TRPV1: variants seen among roughly 807,000 people sequenced by gnomAD.
TRPV1 encodes transient receptor potential cation channel subfamily V member 1.
Under a neutral mutation model 82.3 loss-of-function variants are expected in TRPV1, and 82 were observed. That is an observed-to-expected ratio of 1.00 (90% CI 0.83 to 1.20). The LOEUF is 1.20. TRPV1 is among the 50% of genes most tolerant of loss of function. The pLI is 0.00. For missense variants in TRPV1, 1,067 were observed against 1,096.8 expected (o/e 0.97, Z 0.38); for synonymous variants, 515 against 467.7 (o/e 1.10, Z -1.30).
intron 2 of TRPV1, among the ~76,000 whole-genome samples, chr17:3,606,985 CTT>C (rs1567678604): frequency 6.6e-6 from 1 of 152,206 alleles, no homozygotes; most frequent in African/African-American, 2.4e-5. Flanking sequence ...TCAGCCTACT[CTT>C]CTCTCTCATG....
rs774540148 is a variant in TRPV1 at position 3,588,352 on chromosome 17, G to GA, written c.1059dup (p.Leu354SerfsTer56). 20 of 1,559,134 alleles carry GA rather than the reference G, an allele frequency of 1.3e-5. No homozygotes were observed. The highest frequency in any genetic ancestry group is 1.7e-5 in the Non-Finnish European group (20 of 1,151,656). ...TCGGGCTCCTGGATCTCCCGCTGGA[G>GA]AATATAGGCCAAGACCTGCCCCCGG... On this transcript the variant is annotated frameshift_variant, in exon 8 of 17. Transcript: ENST00000572705. LOFTEE classifies it high-confidence loss of function.
At chr17:3,597,674 T>TA (rs1211029737) in intron 2 of TRPV1, among the ~76,000 whole-genome samples, 2 of 102,418 alleles carry the variant, frequency 2.0e-5, no homozygotes, top group Admixed American at 1.8e-4. Flanking sequence ...GTCATTTCCT[T>TA]TTTTTTTTTT....
rs1379027555 is a variant in TRPV1, at chr17:3,591,078, G to A, written c.490C>T (p.Leu164Phe). 1 of 1,613,196 alleles carries A rather than the reference G, an allele frequency of 6.2e-7. No homozygotes were observed. Among genetic ancestry groups the A allele is most frequent in the Admixed American group, 1.7e-5 (1 of 59,832 alleles). ...GTGTTCTGTCCGTCGTGCAGGTTGA[G>A]CATGGCTTTCAGCAGACAGGTCTTC... The part of the protein sequence containing the change: ...TGKTCLLKAM[L>F]NLHDGQNTTI... The change falls in exon 5 of 17, where the codon CTC becomes TTC. Residue 164 changes from leucine (L) to phenylalanine (F), a missense_variant. Leu to Phe is a conservative substitution (Grantham distance 22). Coordinates refer to ENST00000572705, the MANE Select transcript of TRPV1 (RefSeq NM_080704.4).
chr17:3,575,770 A>G (rs1166851864), intron 13 of TRPV1, among the ~76,000 whole-genome samples: 2 of 152,184 alleles, frequency 1.3e-5, no homozygotes, highest in Non-Finnish European at 1.5e-5. Flanking sequence ...GAAGACACAC[A>G]TGGCTTCTTG....
At chr17:3,592,961 G>C (rs2075179356) in intron 2 of TRPV1, 1 of 152,866 alleles carries the variant, frequency 6.5e-6, no homozygotes, top group Non-Finnish European at 1.5e-5. Context: ...TGCCCGGCCT[G>C]CCTTTGCTCT....
chr17:3,590,524 C>A (rs1375783887), intron 5 of TRPV1, 132 bp from the exon 6 acceptor site: 3 of 1,381,100 alleles, frequency 2.2e-6, no homozygotes, highest in Non-Finnish European at 2.9e-6. Flanking sequence ...TGGAGGACCC[C>A]CCCACTGCAG....
intron 2 of TRPV1, chr17:3,592,609 C>T: frequency 1.9e-6 from 1 of 534,408 alleles, no homozygotes; most frequent in South Asian, 2.4e-5. Flanking sequence ...CCTGCGGCCA[C>T]TGACGTCGGC....
At chr17:3,594,639 G>A (rs989451338) in intron 2 of TRPV1, among the ~76,000 whole-genome samples, 14 of 152,336 alleles carry the variant, frequency 9.2e-5, no homozygotes, top group East Asian at 3.9e-4. Context: ...CCTGCAGCAG[G>A]AGTGTTCCCG....
intron 2 of TRPV1, among the ~76,000 whole-genome samples, chr17:3,602,926 A>C (rs1308580455): frequency 6.6e-6 from 1 of 152,176 alleles, no homozygotes; most frequent in Non-Finnish European, 1.5e-5. Flanking sequence ...GTTCGAGACC[A>C]GCCTGGCCAA....
chr17:3,576,668 A>AAAAAAAAAAAAAAAATATATATAT, intron 13 of TRPV1, among the ~76,000 whole-genome samples: 6 of 38,390 alleles, frequency 1.6e-4, no homozygotes, highest in Non-Finnish European at 3.2e-4. Flanking sequence ...AAAAAAAAAA[A>AAAAAAAAAAAAAAAATATATATAT]ATATATATAT....
rs1354705701 is a variant in TRPV1 at position 3,592,133 on chromosome 17, C to G, written c.218G>C (p.Cys73Ser). ...CPHEEGELDS[C>S]PTITVSPVIT... ...AACAGGGCTGACTGTGATGGTCGGG[C>G]AGGAGTCCAGCTCACCTTCCTCGTG... Residue 73 changes from cysteine (C) to serine (S), a missense_variant, in exon 3 of 17, where the codon TGC becomes TCC. Transcript: ENST00000572705. 1 of 1,613,884 alleles carries G rather than the reference C, an allele frequency of 6.2e-7. No individual in the cohort carries two copies. The highest frequency in any genetic ancestry group is 1.7e-5 in the Admixed American group (1 of 60,004).
At chr17:3,584,583 G>A (rs1405911056) in intron 9 of TRPV1, among the ~76,000 whole-genome samples, 4 of 151,960 alleles carry the variant, frequency 2.6e-5, no homozygotes, top group Non-Finnish European at 5.9e-5. Context: ...ATCACTTGAG[G>A]TCAGGAGTTC....
At chr17:3,579,308 C>A (rs1443664474) in intron 11 of TRPV1, among the ~76,000 whole-genome samples, 1 of 152,052 alleles carries the variant, frequency 6.6e-6, no homozygotes, top group South Asian at 2.1e-4. Flanking sequence ...AAGCTAGCTG[C>A]AAGAGGATTT....
intron 12 of TRPV1, 29 bp downstream of exon 12, chr17:3,577,569 G>A (rs201032577): frequency 6.4e-7 from 1 of 1,560,324 alleles, no homozygotes; most frequent in Non-Finnish European, 8.7e-7. Context: ...CGGGCTCTGA[G>A]GAGACCCACT....
chr17:3,580,088 G>T (rs2074987020), intron 11 of TRPV1, among the ~76,000 whole-genome samples: 1 of 144,758 alleles, frequency 6.9e-6, no homozygotes, highest in Non-Finnish European at 1.5e-5. Context: ...TATCAACAGT[G>T]CCAAGGTCGC....
intron 3 of TRPV1, among the ~76,000 whole-genome samples, 165 bp downstream of exon 3, chr17:3,591,902 C>A (rs1470992530): frequency 6.6e-6 from 1 of 152,216 alleles, no homozygotes; most frequent in African/African-American, 2.4e-5. Context: ...CCCGTGACTG[C>A]ACATCCCACG....
chr17:3,566,668 A>G lies in TRPV1; in HGVS notation c.*147T>C. On this transcript the variant is annotated 3_prime_UTR_variant, in exon 17 of 17. Transcript: ENST00000572705. ...CCATGCTTCCAAGAACGCTTCCCAC[A>G]GCTTGTCCAGCACAGATTTGGGAAC... is the stretch of plus-strand genomic sequence containing the variant. The G allele has an allele frequency of 1.0e-6, 1 of 981,176 alleles. No individual in the cohort carries two copies. The highest frequency in any genetic ancestry group is 1.5e-6 in the Non-Finnish European group (1 of 685,944). 60.8% of individuals were successfully genotyped at this position (981,176 alleles called of 1,614,324 possible).
In TRPV1 at chr17:3,585,752, G is replaced by A. The variant is rs201834198; in HGVS notation, c.1383+16C>T. ...ACCCACACCCTCGCCCACGAGGCCT[G>A]AGCCTCTGGCCGCACCAAGCCATCC... On this transcript the variant is annotated intron_variant, in intron 9 of 16. Coordinates refer to ENST00000572705, the MANE Select transcript of TRPV1 (RefSeq NM_080704.4). 3 of 1,610,322 alleles carry A rather than the reference G, an allele frequency of 1.9e-6. No homozygotes were observed. Among genetic ancestry groups the A allele is most frequent in the Non-Finnish European group, 2.5e-6 (3 of 1,178,022 alleles).
At position 3,595,154 on chromosome 17, in the gene TRPV1, G is replaced by A. The variant is rs138789653; in HGVS notation, c.-33-2771C>T. On this transcript the variant is annotated intron_variant, in intron 2 of 16. Coordinates refer to ENST00000572705, the MANE Select transcript of TRPV1 (RefSeq NM_080704.4). ...CCAGAAGCGAATGAGAAGCAGAATC[G>A]TTGATGCGTCTGAGCACGTGCACAA... Among the ~76,000 whole-genome samples, 46 of 152,296 alleles carry A rather than the reference G, an allele frequency of 3.0e-4. No homozygotes were observed. The East Asian group carries it at 7.9e-3, about 26-fold the overall frequency.
Sources: gnomAD v4.1 joint callset for allele counts (sites outside exome capture counted in the v4.1 genomes callset) on GRCh38, gnomAD v4.1.1 for gene constraint, MANE v1.5 for transcripts, NCBI Gene and HGNC (gene_info 2026-07-23, HGNC 2026-07-21) for gene names.